ABL1: variants seen among roughly 807,000 people sequenced by gnomAD.
ABL1 encodes ABL proto-oncogene 1, non-receptor tyrosine kinase.
In ABL1, 11 loss-of-function variants were observed where a neutral mutation model predicts 94.7. The observed-to-expected ratio is 0.12, with a 90% CI of 0.07 to 0.19. ABL1 has a LOEUF of 0.19. Among genes scored for constraint, ABL1 ranks in the 10% least tolerant of loss-of-function variants. The pLI, the probability that ABL1 is intolerant of heterozygous loss-of-function variation, is 1.00. For missense variants in ABL1, 1,082 were observed against 1,489.4 expected (o/e 0.73, Z 4.50); for synonymous variants, 656 against 622.4 (o/e 1.05, Z -0.80).
At chr9:130,817,427 G>A (rs892493300) in intron 1 of ABL1, among the ~76,000 whole-genome samples, 1 of 152,154 alleles carries the variant, frequency 6.6e-6, no homozygotes, top group Admixed American at 6.5e-5. Flanking sequence ...ACCTTTCTCA[G>A]CACTCCACAA....
In ABL1 at chr9:130,875,042, C is replaced by T. The variant is rs139838231; in HGVS notation, c.1260C>T (p.Ser420=). ...CCTACAACAAGTTCTCCATCAAGTCCGACGTCTGGGGTAAGGGCTGCTGCT... is the reference window on the plus strand; with the variant it reads ...CCTACAACAAGTTCTCCATCAAGTCTGACGTCTGGGGTAAGGGCTGCTGCT... ...SLAYNKFSIK[S]DVWAFGVLLW... is the part of the protein sequence containing the mutation. The change falls in exon 7 of 11, where the codon TCC becomes TCT. Residue 420 remains serine (S), a synonymous_variant. Coordinates refer to ENST00000318560, the MANE Select transcript of ABL1 (RefSeq NM_005157.6). 2.0e-5 allele frequency: 32 copies of T among 1,614,014 alleles called. No homozygotes were observed. Among genetic ancestry groups the T allele is most frequent in the South Asian group, 1.3e-4 (12 of 91,064 alleles).
chr9:130,791,799 G>A (rs1403647288), intron 1 of ABL1, among the ~76,000 whole-genome samples: 1 of 152,072 alleles, frequency 6.6e-6, no homozygotes, highest in African/African-American at 2.4e-5. Context: ...GAGCCACTAC[G>A]AGCTCTCTTT....
chr9:130,740,819 ATTTTT>A (rs34323373), intron 1 of ABL1, among the ~76,000 whole-genome samples: 1,412 of 97,828 alleles, frequency 0.014, 23 homozygotes, highest in African/African-American at 0.054. Flanking sequence ...CCACACCCAG[ATTTTT>A]TTTTTTTTTT....
At chr9:130,735,961 A>ATATATATTT (rs573602038) in intron 1 of ABL1, among the ~76,000 whole-genome samples, 66 of 94,838 alleles carry the variant, frequency 7.0e-4, no homozygotes, top group African/African-American at 1.9e-3. Flanking sequence ...ATATATATAT[A>ATATATATTT]TTTTTTTTTT....
chr9:130,831,551 C>T (rs766869103), upstream of ABL1, among the ~76,000 whole-genome samples: 3 of 152,138 alleles, frequency 2.0e-5, no homozygotes, highest in Admixed American at 1.3e-4. Flanking sequence ...CATTCCTGTT[C>T]GTCCTATTCC....
chr9:130,757,371 A>G (rs2791737), intron 1 of ABL1, among the ~76,000 whole-genome samples: 78,848 of 151,728 alleles, frequency 0.52, 21,982 homozygotes, highest in African/African-American at 0.72. Context: ...GACCAGCCTG[A>G]GCAACACGAT....
In ABL1 at chr9:130,755,502, C is replaced by T. The variant is rs556178745; in HGVS notation, c.136+41047C>T. 3.3e-5 allele frequency among the ~76,000 whole-genome samples: 5 copies of T among 152,252 alleles called. No homozygotes were observed. In the East Asian group the frequency reaches 9.7e-4, roughly 29 times the overall value. On this transcript the variant is annotated intron_variant, in intron 1 of 10. Coordinates refer to the ABL1 transcript ENST00000372348. ...GTGCTTTCTGCATATGTGTTGCTCACTCATCACTATCTGCATGTTCGTGGT... is the reference window on the plus strand; with the variant it reads ...GTGCTTTCTGCATATGTGTTGCTCATTCATCACTATCTGCATGTTCGTGGT...
intron 1 of ABL1, among the ~76,000 whole-genome samples, chr9:130,784,645 C>T (rs998319088): frequency 2.0e-5 from 3 of 152,068 alleles, no homozygotes; most frequent in Non-Finnish European, 4.4e-5. Context: ...TGGTCTGGTC[C>T]CTGGGCCTTT....
intron 7 of ABL1, among the ~76,000 whole-genome samples, chr9:130,876,162 G>GTT (rs373003984): frequency 6.6e-6 from 1 of 150,908 alleles, no homozygotes; most frequent in South Asian, 2.1e-4. Flanking sequence ...TTTTGTGGGG[G>GTT]TTTTTTTTTG....
Position 130,729,470 on chromosome 9 carries a change from A to G in ABL1, c.136+15015A>G, listed in dbSNP as rs1036091076. Among the ~76,000 whole-genome samples, 3 of 152,300 alleles carry G rather than the reference A, an allele frequency of 2.0e-5. No individual in the cohort carries two copies. The South Asian group carries it at 6.2e-4, about 32-fold the overall frequency. The stretch of plus-strand genomic sequence containing the variant: ...CCAAGTCTTTGCTTCCTCAGTTCAC[A>G]GAGATGGCTGCTGTCAGTTTAGGTT... On this transcript the variant is annotated intron_variant, in intron 1 of 10. Coordinates refer to the ABL1 transcript ENST00000372348.
exon 1 of ABL1, among the ~76,000 whole-genome samples, chr9:130,713,489 C>G (rs1402744449): frequency 2.0e-5 from 3 of 149,152 alleles, no homozygotes; most frequent in African/African-American, 7.4e-5. Flanking sequence ...CCCTCAGCCC[C>G]AAGCCGCCCC....
chr9:130,763,375 A>G (rs1474319581), intron 1 of ABL1, among the ~76,000 whole-genome samples: 1 of 152,062 alleles, frequency 6.6e-6, no homozygotes, highest in Non-Finnish European at 1.5e-5. Flanking sequence ...CACAATGCCT[A>G]CAATATGCCA....
chr9:130,799,895 TGGAGTCTTGCTCTGTCGCCAA>T (rs1418194315), intron 1 of ABL1, among the ~76,000 whole-genome samples: 1 of 151,860 alleles, frequency 6.6e-6, no homozygotes, highest in African/African-American at 2.4e-5. Context: ...TCTTTAGAGA[TGGAGTCTTGCTCTGTCGCCAA>T]GGCTAGAGTG....
At chr9:130,841,915 G>C (rs1464178698) in intron 1 of ABL1, among the ~76,000 whole-genome samples, 1 of 148,334 alleles carries the variant, frequency 6.7e-6, no homozygotes, top group Non-Finnish European at 1.5e-5. Context: ...GGAAGACAGA[G>C]AGAAATAGGT....
intron 1 of ABL1, among the ~76,000 whole-genome samples, chr9:130,766,148 T>C (rs1488581213): frequency 6.6e-6 from 1 of 152,172 alleles, no homozygotes; most frequent in Non-Finnish European, 1.5e-5. Flanking sequence ...GTGGCATGCG[T>C]TGGTGCGCTC....
intron 1 of ABL1, among the ~76,000 whole-genome samples, chr9:130,793,432 T>G (rs1222365147): frequency 6.6e-6 from 1 of 152,202 alleles, no homozygotes; most frequent in Non-Finnish European, 1.5e-5. Context: ...GAATTTTAAA[T>G]TGGTGGTATC....
intron 1 of ABL1, among the ~76,000 whole-genome samples, chr9:130,807,948 C>T (rs1830150345): frequency 6.6e-6 from 1 of 151,032 alleles, no homozygotes; most frequent in South Asian, 2.1e-4. Context: ...TCCCCCCCAC[C>T]TCAGCTTTTC....
chr9:130,743,342 G>T (rs1195420774), intron 1 of ABL1, among the ~76,000 whole-genome samples: 3 of 152,158 alleles, frequency 2.0e-5, no homozygotes, highest in African/African-American at 7.2e-5. Flanking sequence ...CAAAGTGCTG[G>T]GATTACAGGT....
At position 130,884,837 on chromosome 9, in the gene ABL1, G is replaced by A; in HGVS notation, c.2547G>A (p.Glu849=). 2.5e-6 allele frequency: 4 copies of A among 1,604,862 alleles called. No individual in the cohort carries two copies. Among genetic ancestry groups the A allele is most frequent in the Non-Finnish European group, 3.4e-6 (4 of 1,174,906 alleles). Residue 849 remains glutamate (E), a synonymous_variant, in exon 11 of 11, where the codon GAG becomes GAA. Transcript: ENST00000318560. This position sits in a 1 kb window ranked among gnomAD's most constrained non-coding sequence, Gnocchi z 5.6. ...GSALGTPAAA[E]PVTPTSKAGS... is the part of the protein sequence containing the mutation. ...CCTTAGGGACCCCTGCTGCAGCTGA[G>A]CCAGTGACCCCCACCAGCAAAGCAG...
Sources: gnomAD v4.1 joint callset for allele counts (sites outside exome capture counted in the v4.1 genomes callset) on GRCh38, gnomAD v4.1.1 for gene constraint, Gnocchi (gnomAD v3.1) non-coding constraint, MANE v1.5 for transcripts, NCBI Gene and HGNC (gene_info 2026-07-23, HGNC 2026-07-21) for gene names.